DAB1: variants seen among roughly 807,000 people sequenced by gnomAD.
DAB1 encodes DAB adaptor protein 1, also known as disabled homolog 1.
DAB1 carries 15 observed loss-of-function variants against 64.6 expected under a neutral mutation model. The observed-to-expected ratio is 0.23, with a 90% CI of 0.16 to 0.36. The LOEUF is 0.36. Ranked by LOEUF, DAB1 falls within the 10% of genes least tolerant of loss-of-function variation. The pLI, the probability that DAB1 is intolerant of heterozygous loss-of-function variation, is 1.00. For missense variants in DAB1, 596 were observed against 706.7 expected, an observed-to-expected ratio of 0.84 and a Z score of 1.78; for synonymous variants, 235 against 251.9, an observed-to-expected ratio of 0.93 and a Z score of 0.64.
chr1:57,771,685 A>G (rs1483640162), intron 6 of DAB1, among the ~76,000 whole-genome samples: 1 of 152,108 alleles, frequency 6.6e-6, no homozygotes, highest in East Asian at 1.9e-4. Context: ...CACTATCAAT[A>G]TATAGAACAT....
At position 57,548,052 on chromosome 1, in the gene DAB1, T is replaced by C. The variant is rs186757700; in HGVS notation, n.625+101540A>G. ...ATGCAAAATTATCTCCTTCTTCTTA[T>C]ATCATTGCCTATTATCTGTGTCTAT... On this transcript the variant is annotated intron_variant and non_coding_transcript_variant, in intron 7 of 20. Coordinates refer to the DAB1 transcript ENST00000485760. Among the ~76,000 whole-genome samples, 45 of 152,308 alleles carry C rather than the reference T, an allele frequency of 3.0e-4. No individual in the cohort carries two copies. In the East Asian group the frequency reaches 6.2e-3, roughly 21 times the overall value.
chr1:57,120,086 C>T (rs1380756168), intron 4 of DAB1, among the ~76,000 whole-genome samples: 2 of 152,012 alleles, frequency 1.3e-5, no homozygotes, highest in Non-Finnish European at 2.9e-5. Context: ...TAGAAAGTGA[C>T]AACAAATAAA....
intron 2 of DAB1, among the ~76,000 whole-genome samples, chr1:57,229,803 G>A (rs1557984199): frequency 6.6e-6 from 1 of 152,184 alleles, no homozygotes. Context: ...ATTGTTGGAA[G>A]AGTTGAATTT....
At position 57,682,420 on chromosome 1, in the gene DAB1, C is replaced by T. The variant is rs763292548; in HGVS notation, n.552-32755G>A. Among the ~76,000 whole-genome samples the T allele has an allele frequency of 3.9e-4, 58 of 149,562 alleles. 1 individual carries two copies. The highest frequency in any genetic ancestry group is 6.1e-4 in the Non-Finnish European group (41 of 67,546). The stretch of plus-strand genomic sequence containing the variant: ...CAGCCAGGAGTGCTGCTCCCACTGA[C>T]AGAGAACAAATTATGGAATAAACCA... On this transcript the variant is annotated intron_variant and non_coding_transcript_variant, in intron 6 of 20. Coordinates refer to the DAB1 transcript ENST00000485760.
rs1654193328 is a variant in DAB1 at position 57,864,249 on chromosome 1, T to C, written n.87+19750A>G. On this transcript the variant is annotated intron_variant and non_coding_transcript_variant, in intron 1 of 1. Coordinates refer to the DAB1 transcript ENST00000477280. ...AAGAAACACAAGGCCTGTTAGGGAA[T>C]TGGGGGTAATGGTAGGAGTCTAAAG... Among the ~76,000 whole-genome samples, 3 of 152,218 alleles carry C rather than the reference T, an allele frequency of 2.0e-5. No individual in the cohort carries two copies. In the South Asian group the frequency reaches 6.2e-4, roughly 32 times the overall value.
At chr1:57,521,907 C>T (rs1279817844) in intron 7 of DAB1, among the ~76,000 whole-genome samples, 10 of 152,082 alleles carry the variant, frequency 6.6e-5, no homozygotes, top group East Asian at 1.9e-4. Context: ...GCCAGGAGTT[C>T]GAGACCATCC....
chr1:57,312,734 C>T (rs190577898), intron 1 of DAB1, among the ~76,000 whole-genome samples: 6 of 152,140 alleles, frequency 3.9e-5, no homozygotes, highest in South Asian at 2.1e-4. Context: ...ACTGACCTCT[C>T]GGTGTGCAGG....
At chr1:57,403,604 C>T (rs910236148) in intron 1 of DAB1, among the ~76,000 whole-genome samples, 2 of 152,268 alleles carry the variant, frequency 1.3e-5, no homozygotes, top group South Asian at 2.1e-4. Context: ...TACCAACCTT[C>T]CTTCAAAATT....
chr1:58,250,680 C>T (rs1334305493), intron 4 of DAB1, among the ~76,000 whole-genome samples: 1 of 152,192 alleles, frequency 6.6e-6, no homozygotes, highest in Non-Finnish European at 1.5e-5. Context: ...CCTCAGCACC[C>T]ACTCGCAGAC....
chr1:58,161,952 G>C (rs1237145878), intron 4 of DAB1, among the ~76,000 whole-genome samples: 2 of 152,020 alleles, frequency 1.3e-5, no homozygotes, highest in Non-Finnish European at 1.5e-5. Context: ...GGATTTGAGG[G>C]GTACAAAAGC....
chr1:57,061,024 G>A (rs1334350152), intron 9 of DAB1, among the ~76,000 whole-genome samples: 2 of 152,146 alleles, frequency 1.3e-5, no homozygotes, highest in Non-Finnish European at 2.9e-5. Flanking sequence ...GGCTGGACCA[G>A]TTGAAACACG....
chr1:58,451,920 C>CTTTTTTTTTTTTTTTTTTCTTTTTT, intron 3 of DAB1, among the ~76,000 whole-genome samples: 1 of 137,988 alleles, frequency 7.2e-6, no homozygotes, highest in Non-Finnish European at 1.6e-5. Context: ...TTTTTCTTTC[C>CTTTTTTTTTTTTTTTTTTCTTTTTT]TTTTTTTTTT....
intron 4 of DAB1, among the ~76,000 whole-genome samples, chr1:57,073,908 A>G (rs1651742636): frequency 6.6e-6 from 1 of 152,196 alleles, no homozygotes; most frequent in South Asian, 2.1e-4. Flanking sequence ...ACAGGGTCTC[A>G]CCCTGTCACC....
At chr1:58,394,796 A>G (rs1644505082) in intron 3 of DAB1, among the ~76,000 whole-genome samples, 1 of 152,196 alleles carries the variant, frequency 6.6e-6, no homozygotes. Flanking sequence ...TTGGGGGCCA[A>G]TGAAAGTGTT....
At chr1:57,136,287 C>T (rs1011072927) in intron 4 of DAB1, among the ~76,000 whole-genome samples, 2 of 152,164 alleles carry the variant, frequency 1.3e-5, no homozygotes, top group African/African-American at 4.8e-5. Flanking sequence ...CTTCAAAGCT[C>T]ATCAATCTCC....
At chr1:57,208,540 G>A (rs150087727) in intron 2 of DAB1, among the ~76,000 whole-genome samples, 13 of 152,274 alleles carry the variant, frequency 8.5e-5, no homozygotes, top group South Asian at 4.2e-4. Context: ...CTCCTTAGGC[G>A]TATATGTAGC....
At chr1:58,282,795 G>C (rs1661592882) in intron 4 of DAB1, among the ~76,000 whole-genome samples, 1 of 152,216 alleles carries the variant, frequency 6.6e-6, no homozygotes, top group Admixed American at 6.5e-5. Flanking sequence ...GTTCTGCCTT[G>C]TGCCAAAAGA....
chr1:58,486,362 A>G (rs1347130163), intron 3 of DAB1, among the ~76,000 whole-genome samples: 1 of 152,174 alleles, frequency 6.6e-6, no homozygotes, highest in Admixed American at 6.6e-5. Flanking sequence ...TCCTAAGACC[A>G]CTGTTATCTT....
intron 7 of DAB1, among the ~76,000 whole-genome samples, chr1:57,471,772 T>C (rs1445851837): frequency 6.6e-6 from 1 of 152,228 alleles, no homozygotes; most frequent in Admixed American, 6.5e-5. Flanking sequence ...GTCTTGGGTA[T>C]GTCTTTATCA....
Sources: allele counts gnomAD v4.1 joint callset (sites outside exome capture counted in the v4.1 genomes callset), GRCh38; gene constraint gnomAD v4.1.1; transcripts MANE v1.5; gene names NCBI Gene and HGNC (gene_info 2026-07-23, HGNC 2026-07-21).